The following TMEM108 variants were observed in gnomAD, a reference collection of about 807,000 sequenced individuals.
TMEM108 encodes cancer/testis antigen 124.
A neutral mutation model predicts 35.1 loss-of-function variants in TMEM108; 12 were observed. The observed-to-expected ratio is 0.34, with a 90% confidence interval of 0.22 to 0.55. The LOEUF (loss-of-function observed/expected upper bound fraction) is 0.55, where lower values mean the gene tolerates loss of function less well. Among genes scored for constraint, TMEM108 ranks in the 20% least tolerant of loss-of-function variants. TMEM108 has a pLI of 0.89. For synonymous variants in TMEM108, 287 were observed against 308.6 expected (o/e 0.93, Z 0.73); for missense variants, 680 against 753.3 (o/e 0.90, Z 1.14).
chr3:133,213,064 A>G (rs1945857473), intron 2 of TMEM108, among the ~76,000 whole-genome samples: 1 of 152,122 alleles, frequency 6.6e-6, no homozygotes, highest in African/African-American at 2.4e-5. Context: ...GACTTATGCT[A>G]TAAAAAAGCC....
chr3:133,266,500 G>C (rs534627695), intron 3 of TMEM108, among the ~76,000 whole-genome samples: 2 of 152,122 alleles, frequency 1.3e-5, no homozygotes, highest in South Asian at 4.1e-4. Context: ...GTGTTGTTTC[G>C]TCATAGTGTA....
chr3:133,073,526 A>ATATATATATATATATATATATATATATT, intron 2 of TMEM108, among the ~76,000 whole-genome samples: 2 of 116,684 alleles, frequency 1.7e-5, no homozygotes, highest in South Asian at 2.6e-4. Context: ...ATATATATAT[A>ATATATATATATATATATATATATATATT]TATATATATC....
intron 2 of TMEM108, among the ~76,000 whole-genome samples, chr3:133,066,521 A>T (rs1214251761): frequency 6.6e-6 from 1 of 152,182 alleles, no homozygotes; most frequent in Non-Finnish European, 1.5e-5. Flanking sequence ...ATGCTTTTGC[A>T]TGGACACATA....
Position 133,141,805 on chromosome 3 carries a change from G to A in TMEM108, c.-46-87461G>A, listed in dbSNP as rs190373275. ...AAAAAGAAAGGACCTTGGGTTAGTG[G>A]ACATGACCCTGGAATGGAAGTTGAA... On this transcript the variant is annotated intron_variant, in intron 2 of 5. Transcript: ENST00000321871. 7.2e-5 allele frequency among the ~76,000 whole-genome samples: 11 copies of A among 152,258 alleles called. No individual in the cohort carries two copies. In the East Asian group the frequency reaches 2.1e-3, roughly 29 times the overall value.
At chr3:133,257,283 T>G (rs1946561467) in intron 3 of TMEM108, 1 of 152,206 alleles carries the variant, frequency 6.6e-6, no homozygotes. Context: ...ATCCAAGAAT[T>G]GCAGGAGATG....
chr3:133,260,287 T>TA (rs10575513), intron 3 of TMEM108, among the ~76,000 whole-genome samples: 10 of 149,684 alleles, frequency 6.7e-5, no homozygotes, highest in African/African-American at 2.2e-4. Context: ...TAGACAATAG[T>TA]AAAAAAAAAA....
At chr3:133,051,818 G>T (rs1015511826) in intron 2 of TMEM108, among the ~76,000 whole-genome samples, 2 of 152,076 alleles carry the variant, frequency 1.3e-5, no homozygotes, top group Non-Finnish European at 2.9e-5. Context: ...CTGGATGTAG[G>T]TATATTTCTA....
intron 2 of TMEM108, among the ~76,000 whole-genome samples, chr3:133,202,122 C>T (rs1377181152): frequency 2.0e-5 from 3 of 151,798 alleles, no homozygotes; most frequent in African/African-American, 7.2e-5. Flanking sequence ...CTGTTCATAT[C>T]CTTTGCCTAC....
At chr3:133,261,558 T>G (rs775745665) in intron 3 of TMEM108, among the ~76,000 whole-genome samples, 1 of 152,230 alleles carries the variant, frequency 6.6e-6, no homozygotes, top group Non-Finnish European at 1.5e-5. Context: ...CTGAAAGTAT[T>G]ACTGTTTTCC....
At chr3:133,386,252 G>A (rs979877197) in intron 4 of TMEM108, among the ~76,000 whole-genome samples, 4 of 152,204 alleles carry the variant, frequency 2.6e-5, no homozygotes, top group African/African-American at 9.7e-5. Context: ...CTGCCATGGA[G>A]AAGGTACTCA....
chr3:133,182,470 A>G (rs1226890505), intron 2 of TMEM108, among the ~76,000 whole-genome samples: 2 of 152,158 alleles, frequency 1.3e-5, no homozygotes, highest in Non-Finnish European at 2.9e-5. Flanking sequence ...AAACATGAGA[A>G]GGGAATCCTG....
chr3:133,183,318 T>C (rs1482006185), intron 2 of TMEM108, among the ~76,000 whole-genome samples: 1 of 152,228 alleles, frequency 6.6e-6, no homozygotes, highest in African/African-American at 2.4e-5. Context: ...AAGTCTTATC[T>C]TATTCCTAAG....
chr3:133,363,961 G>T (rs1228508028), intron 3 of TMEM108, among the ~76,000 whole-genome samples: 1 of 152,204 alleles, frequency 6.6e-6, no homozygotes, highest in East Asian at 1.9e-4. Flanking sequence ...TACATTTAGA[G>T]TGCTTAATAG....
intron 2 of TMEM108, among the ~76,000 whole-genome samples, chr3:133,057,095 TCAGA>T (rs1943474049): frequency 6.6e-6 from 1 of 152,164 alleles, no homozygotes. Context: ...GCCAGTGTTC[TCAGA>T]CAATGTGATG....
At chr3:133,150,842 C>T (rs1186766675) in intron 2 of TMEM108, among the ~76,000 whole-genome samples, 3 of 152,088 alleles carry the variant, frequency 2.0e-5, no homozygotes, top group Non-Finnish European at 4.4e-5. Flanking sequence ...AGAAGACTCC[C>T]ACCTTCCTTT....
chr3:133,154,803 T>C (rs966554471), intron 2 of TMEM108, among the ~76,000 whole-genome samples: 1 of 152,100 alleles, frequency 6.6e-6, no homozygotes, highest in Non-Finnish European at 1.5e-5. Flanking sequence ...ATGGCACATG[T>C]ATACACATGT....
intron 3 of TMEM108, among the ~76,000 whole-genome samples, chr3:133,297,243 G>C (rs1465611161): frequency 1.3e-5 from 2 of 152,114 alleles, no homozygotes; most frequent in Non-Finnish European, 2.9e-5. Flanking sequence ...CAGATGTCAG[G>C]GTATTGGACC....
intron 2 of TMEM108, among the ~76,000 whole-genome samples, chr3:133,055,419 C>T (rs1291841671): frequency 6.6e-6 from 1 of 152,212 alleles, no homozygotes; most frequent in Non-Finnish European, 1.5e-5. Flanking sequence ...ACAATAAAGA[C>T]ATCTGCTCTC....
At chr3:133,311,401 T>TG in intron 3 of TMEM108, among the ~76,000 whole-genome samples, 1 of 152,328 alleles carries the variant, frequency 6.6e-6, no homozygotes, top group East Asian at 1.9e-4. Context: ...TTGGAGGCTT[T>TG]GTCCATTTCT....
Sources: allele counts gnomAD v4.1 joint callset (sites outside exome capture counted in the v4.1 genomes callset), GRCh38; gene constraint gnomAD v4.1.1; transcripts MANE v1.5; gene names NCBI Gene and HGNC (gene_info 2026-07-23, HGNC 2026-07-21).